Variants in ZNF675 observed in about 807,000 individuals in gnomAD.
The protein encoded by ZNF675 is zinc finger protein 675.
ZNF675 carries 36 observed loss-of-function variants against 56.1 expected under a neutral mutation model. The ratio of observed to expected loss-of-function variants is 0.64; its 90% CI spans 0.49 to 0.85. The LOEUF (loss-of-function observed/expected upper bound fraction) is 0.85, where lower values mean the gene tolerates loss of function less well. Among genes scored for constraint, ZNF675 ranks in the 40% least tolerant of loss-of-function variants. ZNF675 has a pLI of 0.00. For synonymous variants in ZNF675, 200 were observed against 218.9 expected, an observed-to-expected ratio of 0.91 and a Z score of 0.76; for missense variants, 663 against 654.2, an observed-to-expected ratio of 1.01 and a Z score of -0.15.
chr19:23,664,421 C>T (rs995680097), intron 1 of ZNF675, among the ~76,000 whole-genome samples: 2 of 151,968 alleles, frequency 1.3e-5, no homozygotes, highest in Admixed American at 6.6e-5. Context: ...AGCTGCTCCA[C>T]GGAGATAAAA....
intron 1 of ZNF675, among the ~76,000 whole-genome samples, chr19:23,672,438 T>G (rs1968239055): frequency 6.6e-6 from 1 of 152,178 alleles, no homozygotes; most frequent in East Asian, 1.9e-4. Flanking sequence ...GCACAAGATC[T>G]GAGAAGTTCA....
chr19:23,681,915 T>C (rs777976264), intron 1 of ZNF675, among the ~76,000 whole-genome samples: 13 of 151,814 alleles, frequency 8.6e-5, no homozygotes, highest in Non-Finnish European at 1.8e-4. Context: ...ATGAAGCACA[T>C]AGATAATCCT....
rs1967955400 is a variant in ZNF675 at position 23,654,460 on chromosome 19, T to C, written c.473A>G (p.His158Arg). Residue 158 changes from histidine to arginine, a missense_variant, in exon 4 of 4, where the codon CAT becomes CGT. Transcript: ENST00000359788. ...ATGTTTTATCTTATGTCTATCTGAATGTGAAAATTTATTAAAGACTTTCAC... is the reference window on the plus strand; with the variant it reads ...ATGTTTTATCTTATGTCTATCTGAACGTGAAAATTTATTAAAGACTTTCAC... Reference protein sequence around the residue: ...KYVKVFNKFSHSDRHKIKHME... With the variant: ...KYVKVFNKFSRSDRHKIKHME... The C allele has an allele frequency of 6.2e-7, 1 of 1,602,004 alleles. No homozygotes were observed.
Position 23,662,177 on chromosome 19 carries a change from A to T in ZNF675, c.163T>A (p.Cys55Ser), listed in dbSNP as rs1968087630. 6.2e-7 allele frequency: 1 copy of T among 1,613,172 alleles called. No homozygotes were observed. The highest frequency in any genetic ancestry group is 8.5e-7 in the Non-Finnish European group (1 of 1,179,662). ...IAVSKQDLIT[C>S]LEQEKEPLTV... ...AAAGGCTCTTTTTCTTGCTCCAGAC[A>T]GGTGATCAGGTCTTGCTTAGAGACA... Residue 55 changes from cysteine (C) to serine (S), a missense_variant, in exon 3 of 4, where the codon TGT (cysteine) becomes AGT (serine). Physicochemically the swap from Cys to Ser is moderately radical, Grantham distance 112. Around this residue, in one of 3 missense-constraint regions of ZNF675, gnomAD observed 13 missense variants for 31.8 expected, o/e 0.41. Transcript: ENST00000359788.
At chr19:23,667,311 G>A (rs1221480626) in intron 1 of ZNF675, among the ~76,000 whole-genome samples, 1 of 152,130 alleles carries the variant, frequency 6.6e-6, no homozygotes, top group African/African-American at 2.4e-5. Context: ...GCAGTAGCAA[G>A]ATTTATTGCA....
At position 23,653,444 on chromosome 19, in the gene ZNF675, T is replaced by C. The variant is rs147297608; in HGVS notation, c.1489A>G (p.Thr497Ala). The part of the protein sequence containing the change: ...KAFKHSSSLT[T>A]HKRIHTGEKP... ...TCCCCAGTATGAATTCTTTTATGTG[T>C]AGTAAGGGATGAGGAGTGTTTAAAA... is the stretch of plus-strand genomic sequence containing the variant. Residue 497 changes from threonine (T) to alanine (A), a missense_variant, in exon 4 of 4, where the codon ACA becomes GCA. Physicochemically the swap from Thr to Ala is moderately conservative, Grantham distance 58 (BLOSUM62 0). Transcript: ENST00000359788. The C allele has an allele frequency of 3.4e-4, 545 of 1,612,344 alleles. 1 individual carries two copies. Among genetic ancestry groups the C allele is most frequent in the Middle Eastern group, 8.3e-4 (5 of 6,056 alleles).
intron 3 of ZNF675, among the ~76,000 whole-genome samples, chr19:23,661,191 G>C (rs1968072234): frequency 6.6e-6 from 1 of 152,108 alleles, no homozygotes; most frequent in Non-Finnish European, 1.5e-5. Context: ...TGAGATGAAT[G>C]CACACATCAC....
chr19:23,685,057 A>G (rs55643707), intron 1 of ZNF675, among the ~76,000 whole-genome samples: 147,714 of 152,108 alleles, frequency 0.97, 71,888 homozygotes, highest in Middle Eastern at 1. Flanking sequence ...CCAGGCTGGA[A>G]TCCAATGGTG....
At chr19:23,680,477 G>A (rs1317008093) in intron 1 of ZNF675, among the ~76,000 whole-genome samples, 4 of 151,542 alleles carry the variant, frequency 2.6e-5, no homozygotes, top group Non-Finnish European at 4.4e-5. Context: ...AATAAGAACT[G>A]GCTGGGGGCA....
At chr19:23,659,449 T>A (rs931299790) in intron 3 of ZNF675, among the ~76,000 whole-genome samples, 2 of 152,124 alleles carry the variant, frequency 1.3e-5, no homozygotes, top group African/African-American at 4.8e-5. Context: ...CTCACACCTG[T>A]AATGAAAGAT....
chr19:23,683,241 C>G (rs1281933355), intron 1 of ZNF675, among the ~76,000 whole-genome samples: 2 of 151,314 alleles, frequency 1.3e-5, no homozygotes, highest in Non-Finnish European at 2.9e-5. Context: ...GAGAACACTT[C>G]TAGGAGGTAC....
At chr19:23,661,572 C>T (rs374480431) in intron 3 of ZNF675, among the ~76,000 whole-genome samples, 66 of 151,968 alleles carry the variant, frequency 4.3e-4, no homozygotes, top group South Asian at 1.0e-3. Context: ...TGCTTGTAAT[C>T]CCAGCTATTT....
intron 1 of ZNF675, among the ~76,000 whole-genome samples, chr19:23,670,600 G>T (rs1968216194): frequency 6.6e-6 from 1 of 152,172 alleles, no homozygotes; most frequent in African/African-American, 2.4e-5. Context: ...GACCCTACAA[G>T]TTCCCCTCAT....
At position 23,677,543 on chromosome 19, in the gene ZNF675, T is replaced by C. The variant is rs557087546; in HGVS notation, c.3+9488A>G. On this transcript the variant is annotated intron_variant, in intron 1 of 3. Coordinates refer to ENST00000359788, the MANE Select transcript of ZNF675 (RefSeq NM_138330.3). ...CAACATGGGGAAACCTCATCTCTAC[T>C]AAAAATACAAAAATTAGCCAGGTGT... Among the ~76,000 whole-genome samples, 5 of 148,998 alleles carry C rather than the reference T, an allele frequency of 3.4e-5. No individual in the cohort carries two copies. The East Asian group carries it at 1.0e-3, about 30-fold the overall frequency.
At chr19:23,658,744 A>G (rs546927271) in intron 3 of ZNF675, 2 of 23,664 alleles carry the variant, frequency 8.5e-5, no homozygotes, top group Non-Finnish European at 2.0e-4. Flanking sequence ...AAACTGCTGT[A>G]ATCCAACTTT....
At chr19:23,683,872 AT>A (rs201788116) in intron 1 of ZNF675, among the ~76,000 whole-genome samples, 110 of 150,988 alleles carry the variant, frequency 7.3e-4, no homozygotes, top group African/African-American at 2.3e-3. Flanking sequence ...ATATAATTAA[AT>A]TTTTTTTTTC....
intron 3 of ZNF675, chr19:23,661,860 T>C (rs1428028292): frequency 5.7e-6 from 2 of 351,860 alleles, no homozygotes; most frequent in Admixed American, 4.3e-5. Flanking sequence ...GTCTCTTGTA[T>C]GCCATGAAGC....
At chr19:23,676,433 T>TA (rs1968295669) in intron 1 of ZNF675, among the ~76,000 whole-genome samples, 1 of 151,642 alleles carries the variant, frequency 6.6e-6, no homozygotes, top group Non-Finnish European at 1.5e-5. Flanking sequence ...ATATTTTTAA[T>TA]AAATATTAAC....
chr19:23,653,095 G>A lies in ZNF675; in HGVS notation c.*131C>T. 1 of 854,242 alleles carries A rather than the reference G, an allele frequency of 1.2e-6. No homozygotes were observed. 52.9% of individuals were successfully genotyped at this position (854,242 alleles called of 1,614,324 possible). Reference sequence around the variant, plus strand: ...TCACACTTGTAGTTTTCTCCAGTATGAATTATCTTACATACAATGAAGTGT... The same window carrying A: ...TCACACTTGTAGTTTTCTCCAGTATAAATTATCTTACATACAATGAAGTGT... On this transcript the variant is annotated 3_prime_UTR_variant, in exon 4 of 4. Transcript: ENST00000359788.
Sources: allele counts gnomAD v4.1 joint callset (sites outside exome capture counted in the v4.1 genomes callset), GRCh38; gene constraint gnomAD v4.1.1; regional missense constraint gnomAD v4.1.1; transcripts MANE v1.5; gene names NCBI Gene and HGNC (gene_info 2026-07-23, HGNC 2026-07-21).